RBFOX1: variants seen among roughly 807,000 people sequenced by gnomAD.
RBFOX1 encodes the protein RNA binding protein fox-1 homolog 1.
A neutral mutation model predicts 57.7 loss-of-function variants in RBFOX1; 8 were observed. The observed-to-expected ratio is 0.14, with a 90% CI of 0.08 to 0.25. The LOEUF (loss-of-function observed/expected upper bound fraction) is 0.25, where lower values mean the gene tolerates loss of function less well. RBFOX1 is among the 10% of genes least tolerant of loss of function. The probability of loss-of-function intolerance (pLI) is 1.00; values close to 1 mark genes in which losing one functional copy is unlikely to be tolerated. For synonymous variants in RBFOX1, 326 were observed against 222.4 expected, an observed-to-expected ratio of 1.47 and a Z score of -4.15; for missense variants, 611 against 548.5, an observed-to-expected ratio of 1.11 and a Z score of -1.14.
intron 11 of RBFOX1, among the ~76,000 whole-genome samples, chr16:7,637,137 C>T (rs1474184471): frequency 6.6e-6 from 1 of 152,040 alleles, no homozygotes; most frequent in Non-Finnish European, 1.5e-5. Context: ...CTTATCAATG[C>T]CAATGAGCGC....
chr16:5,569,465 T>TTTC (rs1382668727), intron 2 of RBFOX1, among the ~76,000 whole-genome samples: 1 of 94,198 alleles, frequency 1.1e-5, no homozygotes, highest in Non-Finnish European at 2.1e-5. Context: ...TTTTTTTTTT[T>TTTC]TTCTTCTTCT....
intron 13 of RBFOX1, among the ~76,000 whole-genome samples, chr16:7,666,669 T>C (rs548001582): frequency 3.9e-5 from 6 of 152,240 alleles, no homozygotes; most frequent in Admixed American, 2.6e-4. Context: ...TCTGTATCGA[T>C]TGGGGCATAT....
intron 3 of RBFOX1, among the ~76,000 whole-genome samples, chr16:6,943,765 C>T (rs1014846657): frequency 1.3e-5 from 2 of 151,770 alleles, no homozygotes; most frequent in Admixed American, 6.6e-5. Flanking sequence ...TTGGCCAATC[C>T]CAGCAGCTGA....
intron 2 of RBFOX1, among the ~76,000 whole-genome samples, chr16:6,430,967 G>GACAA (rs2094063938): frequency 3.3e-5 from 3 of 90,508 alleles, no homozygotes; most frequent in African/African-American, 8.5e-5. Flanking sequence ...CTCATCTCCA[G>GACAA]AAAAAAAAAA....
intron 4 of RBFOX1, among the ~76,000 whole-genome samples, chr16:7,307,332 C>T (rs185019112): frequency 6.6e-6 from 1 of 152,324 alleles, no homozygotes; most frequent in East Asian, 1.9e-4. Context: ...AACCTTTCCT[C>T]CTAAATTCTC....
chr16:7,624,539 C>A (rs2142208106), intron 10 of RBFOX1, among the ~76,000 whole-genome samples: 1 of 152,326 alleles, frequency 6.6e-6, no homozygotes, highest in East Asian at 1.9e-4. Context: ...TACCCCAAAG[C>A]CCAGCACAGT....
At chr16:5,560,817 C>T (rs747016344) in intron 2 of RBFOX1, among the ~76,000 whole-genome samples, 28 of 152,110 alleles carry the variant, frequency 1.8e-4, no homozygotes, top group Non-Finnish European at 3.2e-4. Flanking sequence ...CTTTTATCCT[C>T]CTTGTGGCAT....
chr16:6,432,994 A>G (rs1220779194), intron 2 of RBFOX1, among the ~76,000 whole-genome samples: 3 of 152,146 alleles, frequency 2.0e-5, no homozygotes, highest in African/African-American at 4.8e-5. Context: ...AAAAATAATG[A>G]TAACAATAAC....
At chr16:7,409,577 T>G (rs189365978) in intron 4 of RBFOX1, among the ~76,000 whole-genome samples, 1 of 152,226 alleles carries the variant, frequency 6.6e-6, no homozygotes, top group Non-Finnish European at 1.5e-5. Flanking sequence ...GCATTGAATA[T>G]GTATGTGTGC....
chr16:5,925,064 C>G lies in RBFOX1; in HGVS notation c.351+57729C>G, dbSNP rs368566674. Among the ~76,000 whole-genome samples the G allele has an allele frequency of 5.3e-5, 8 of 152,260 alleles. No individual in the cohort carries two copies. In the East Asian group the frequency reaches 1.5e-3, roughly 29 times the overall value. ...CAGACACCTACTGAAGCTGGTCATC[C>G]ATACTTTCCCACCCTCCCTGTTTCC... On this transcript the variant is annotated intron_variant, in intron 4 of 19. Coordinates refer to the RBFOX1 transcript ENST00000641259.
At chr16:6,406,898 C>T (rs541487660) in intron 2 of RBFOX1, among the ~76,000 whole-genome samples, 1 of 152,272 alleles carries the variant, frequency 6.6e-6, no homozygotes, top group South Asian at 2.1e-4. Flanking sequence ...GGCTGACCCC[C>T]CTACTGACTG....
Position 7,123,406 on chromosome 16 carries a change from C to T in RBFOX1, c.27+71308C>T, listed in dbSNP as rs373604364. On this transcript the variant is annotated intron_variant, in intron 4 of 15. Coordinates refer to ENST00000550418, the MANE Select transcript of RBFOX1 (RefSeq NM_018723.4). ...TTGAGACAGCGGCTTCCTCTCTTGC[C>T]CAGGCTGGAGTACAGTGGTGCCAAT... Among the ~76,000 whole-genome samples the T allele has an allele frequency of 4.6e-5, 7 of 152,164 alleles. No individual in the cohort carries two copies. In the South Asian group the frequency reaches 1.2e-3, roughly 27 times the overall value.
intron 4 of RBFOX1, among the ~76,000 whole-genome samples, chr16:7,473,344 C>G (rs1397061215): frequency 6.6e-6 from 1 of 150,814 alleles, no homozygotes; most frequent in Non-Finnish European, 1.5e-5. Context: ...CACCACTGCA[C>G]TAGAACCTGG....
At chr16:6,660,696 A>C (rs1276914183) in intron 3 of RBFOX1, among the ~76,000 whole-genome samples, 3 of 152,222 alleles carry the variant, frequency 2.0e-5, no homozygotes, top group Non-Finnish European at 4.4e-5. Context: ...GAAATTCATA[A>C]TACTGCAAAT....
chr16:6,612,965 C>T (rs570564018), intron 2 of RBFOX1, among the ~76,000 whole-genome samples: 2 of 151,638 alleles, frequency 1.3e-5, no homozygotes, highest in East Asian at 1.9e-4. Context: ...CCGTACAGTT[C>T]ACGTGCCAAG....
At chr16:6,051,445 C>A (rs1011375570) in intron 1 of RBFOX1, among the ~76,000 whole-genome samples, 54 of 152,014 alleles carry the variant, frequency 3.6e-4, no homozygotes, top group African/African-American at 1.2e-3. Context: ...CTCATGCCTC[C>A]ACCTTACAAG....
In RBFOX1 at chr16:5,777,250, A is replaced by T. The variant is rs193129379; in HGVS notation, c.319-90053A>T. The stretch of plus-strand genomic sequence containing the variant: ...AAGAGGTCACCTACACCCTTGGATC[A>T]TGGCCCCTTCCTCTACCTTCATAGT... On this transcript the variant is annotated intron_variant, in intron 3 of 19. Transcript: ENST00000641259. Among the ~76,000 whole-genome samples, 3 of 152,308 alleles carry T rather than the reference A, an allele frequency of 2.0e-5. No individual in the cohort carries two copies. In the East Asian group the frequency reaches 5.8e-4, roughly 29 times the overall value.
intron 3 of RBFOX1, among the ~76,000 whole-genome samples, chr16:5,823,345 A>C (rs995394900): frequency 3.9e-5 from 6 of 152,242 alleles, no homozygotes; most frequent in Admixed American, 3.3e-4. Flanking sequence ...ACATAAAGGA[A>C]GGGGTAGCTC....
intron 2 of RBFOX1, among the ~76,000 whole-genome samples, chr16:5,505,108 G>A (rs760725125): frequency 2.0e-5 from 3 of 152,168 alleles, no homozygotes; most frequent in Non-Finnish European, 4.4e-5. Context: ...TGGGGGAATT[G>A]TGCAGTGTAT....
Sources: gnomAD v4.1 joint callset for allele counts (sites outside exome capture counted in the v4.1 genomes callset) on GRCh38, gnomAD v4.1.1 for gene constraint, MANE v1.5 for transcripts, NCBI Gene and HGNC (gene_info 2026-07-23, HGNC 2026-07-21) for gene names.